The following RIT2 variants were observed in gnomAD, a reference collection of about 807,000 sequenced individuals.
RIT2 encodes the protein GTP-binding protein Rit2.
In RIT2, 24 loss-of-function variants were observed where a neutral mutation model predicts 23.7. The observed-to-expected ratio is 1.01, with a 90% CI of 0.73 to 1.43. RIT2 has a LOEUF of 1.43. Ranked by LOEUF, RIT2 falls within the 40% of genes most tolerant of loss-of-function variation. The pLI, the probability that RIT2 is intolerant of heterozygous loss-of-function variation, is 0.00. For synonymous variants in RIT2, 107 were observed against 91.1 expected, an observed-to-expected ratio of 1.17 and a Z score of -0.99; for missense variants, 236 against 266.9, an observed-to-expected ratio of 0.88 and a Z score of 0.81.
chr18:42,910,414 T>C lies in RIT2; in HGVS notation c.426+13158A>G, dbSNP rs887679050. On this transcript the variant is annotated intron_variant, in intron 4 of 4. Transcript: ENST00000326695. ...GAAATACTGGGTATAAGAGGGTGGT[T>C]TCCTGGCAAAGGCTCCACTGTCAAG... is the stretch of plus-strand genomic sequence containing the variant. Among the ~76,000 whole-genome samples the C allele has an allele frequency of 6.6e-5, 10 of 152,156 alleles. 1 individual carries two copies. The highest frequency in any genetic ancestry group is 3.4e-3 in the Middle Eastern group (1 of 294).
intron 4 of RIT2, among the ~76,000 whole-genome samples, chr18:42,747,290 T>G (rs1440980157): frequency 6.6e-6 from 1 of 151,912 alleles, no homozygotes; most frequent in Non-Finnish European, 1.5e-5. Context: ...GATAACCTGT[T>G]TTACAATAGC....
At chr18:42,829,819 A>C (rs73470080) in intron 4 of RIT2, among the ~76,000 whole-genome samples, 4,981 of 152,300 alleles carry the variant, frequency 0.033, 268 homozygotes, top group African/African-American at 0.11. Flanking sequence ...AAAACATCAT[A>C]TAAAAGATAC....
At chr18:42,922,936 C>T (rs1909088299) in intron 4 of RIT2, among the ~76,000 whole-genome samples, 1 of 152,044 alleles carries the variant, frequency 6.6e-6, no homozygotes, top group Non-Finnish European at 1.5e-5. Flanking sequence ...CTGTTTTGAT[C>T]ATCTATTGCT....
intron 4 of RIT2, among the ~76,000 whole-genome samples, chr18:42,808,405 A>G (rs1046839983): frequency 6.6e-6 from 1 of 152,192 alleles, no homozygotes; most frequent in Non-Finnish European, 1.5e-5. Flanking sequence ...ATTTTTTTGT[A>G]GAGATTTTAT....
chr18:42,775,180 T>C lies in RIT2; in HGVS notation c.427-31460A>G, dbSNP rs1286548247. Among the ~76,000 whole-genome samples the C allele has an allele frequency of 5.3e-5, 8 of 152,310 alleles. No individual in the cohort carries two copies. The South Asian group carries it at 1.5e-3, about 28-fold the overall frequency. On this transcript the variant is annotated intron_variant, in intron 4 of 4. Coordinates refer to ENST00000326695, the MANE Select transcript of RIT2 (RefSeq NM_002930.4). Reference sequence around the variant, plus strand: ...GTTTGGCTGAGGGTTCTGTTCATTGTAGCCACTCAGGAATCCATTGTATTG... The same window carrying C: ...GTTTGGCTGAGGGTTCTGTTCATTGCAGCCACTCAGGAATCCATTGTATTG...
rs115531139 is a variant in RIT2 at position 42,893,091 on chromosome 18, G to A, written c.426+30481C>T. ...TTTAAAAGCTAACTCTCCTGGACATGGTGGTGCGTGCCTGTAATACCAGCT... is the reference window on the plus strand; with the variant it reads ...TTTAAAAGCTAACTCTCCTGGACATAGTGGTGCGTGCCTGTAATACCAGCT... On this transcript the variant is annotated intron_variant, in intron 4 of 4. Transcript: ENST00000326695. Among the ~76,000 whole-genome samples, 482 of 152,132 alleles carry A rather than the reference G, an allele frequency of 3.2e-3. 2 individuals carry two copies. The highest frequency in any genetic ancestry group is 0.011 in the African/African-American group (466 of 41,490).
At chr18:43,001,928 T>C (rs973060690) in intron 2 of RIT2, among the ~76,000 whole-genome samples, 2 of 151,944 alleles carry the variant, frequency 1.3e-5, no homozygotes, top group Non-Finnish European at 2.9e-5. Flanking sequence ...TTCCAGAACT[T>C]TACTGGATTA....
At chr18:42,933,510 G>T (rs1909377805) in intron 3 of RIT2, among the ~76,000 whole-genome samples, 1 of 152,116 alleles carries the variant, frequency 6.6e-6, no homozygotes, top group African/African-American at 2.4e-5. Context: ...GAATCGTGGA[G>T]GCGGTTACCT....
chr18:42,786,574 G>C (rs1389166759), intron 4 of RIT2, among the ~76,000 whole-genome samples: 1 of 152,034 alleles, frequency 6.6e-6, no homozygotes, highest in African/African-American at 2.4e-5. Flanking sequence ...AGTTCACATA[G>C]TACAGTTTGG....
intron 1 of RIT2, among the ~76,000 whole-genome samples, chr18:43,037,690 T>C (rs1480289458): frequency 1.3e-5 from 2 of 152,118 alleles, no homozygotes; most frequent in Admixed American, 6.6e-5. Flanking sequence ...TATATACATA[T>C]ATATTTATGA....
At chr18:42,950,742 T>C (rs1197472326) in intron 3 of RIT2, among the ~76,000 whole-genome samples, 1 of 150,992 alleles carries the variant, frequency 6.6e-6, no homozygotes, top group African/African-American at 2.4e-5. Flanking sequence ...GCAAAAGACA[T>C]GAACAGACAT....
At chr18:42,799,032 T>A (rs1269695097) in intron 4 of RIT2, among the ~76,000 whole-genome samples, 1 of 152,238 alleles carries the variant, frequency 6.6e-6, no homozygotes, top group Non-Finnish European at 1.5e-5. Context: ...AATTACTTGT[T>A]ATCCTCAACT....
chr18:42,862,272 C>G (rs1411864943), intron 4 of RIT2, among the ~76,000 whole-genome samples: 1 of 152,096 alleles, frequency 6.6e-6, no homozygotes, highest in Non-Finnish European at 1.5e-5. Flanking sequence ...CACTCTCTCT[C>G]TCTCCTGCCA....
intron 4 of RIT2, among the ~76,000 whole-genome samples, chr18:42,859,512 A>G (rs1450885907): frequency 6.6e-6 from 1 of 152,136 alleles, no homozygotes; most frequent in African/African-American, 2.4e-5. Flanking sequence ...GTTTTTATAC[A>G]TTTGATAATG....
chr18:42,823,725 G>A (rs1906217643), intron 4 of RIT2, among the ~76,000 whole-genome samples: 1 of 152,086 alleles, frequency 6.6e-6, no homozygotes, highest in African/African-American at 2.4e-5. Context: ...TACACCAGAA[G>A]TTTTATATTC....
chr18:43,015,822 C>T (rs912446057), intron 2 of RIT2, among the ~76,000 whole-genome samples: 5 of 151,712 alleles, frequency 3.3e-5, no homozygotes, highest in African/African-American at 9.7e-5. Context: ...TATTGGTTAC[C>T]TCTTAGAAGT....
chr18:42,837,474 TAA>T (rs1555641179), intron 4 of RIT2, among the ~76,000 whole-genome samples: 2 of 149,298 alleles, frequency 1.3e-5, no homozygotes, highest in African/African-American at 4.9e-5. Flanking sequence ...GCCTCTTTTT[TAA>T]AAAAAAAAAT....
intron 4 of RIT2, among the ~76,000 whole-genome samples, chr18:42,806,217 C>G (rs1257906475): frequency 6.7e-6 from 1 of 150,136 alleles, no homozygotes. Flanking sequence ...GCTTGTAATC[C>G]CAGCACTTTG....
chr18:42,876,307 G>A (rs954480078), intron 4 of RIT2, among the ~76,000 whole-genome samples: 5 of 149,334 alleles, frequency 3.3e-5, no homozygotes, highest in African/African-American at 7.4e-5. Context: ...AATAATAATC[G>A]TACATTCTGA....
Sources: allele counts gnomAD v4.1 joint callset (sites outside exome capture counted in the v4.1 genomes callset), GRCh38; gene constraint gnomAD v4.1.1; transcripts MANE v1.5; gene names NCBI Gene and HGNC (gene_info 2026-07-23, HGNC 2026-07-21).